The following SLC25A6 variants were observed in gnomAD, a reference collection of about 807,000 sequenced individuals.
SLC25A6 encodes the protein ADP/ATP translocase 3.
SLC25A6 carries 9 observed loss-of-function variants against 25.7 expected under a neutral mutation model. The ratio of observed to expected loss-of-function variants is 0.35; its 90% CI spans 0.21 to 0.61. The LOEUF (loss-of-function observed/expected upper bound fraction) is 0.61, where lower values mean the gene tolerates loss of function less well. Among genes scored for constraint, SLC25A6 ranks in the 20% least tolerant of loss-of-function variants. The pLI is 0.76. For synonymous variants in SLC25A6, 223 were observed against 197.0 expected, an observed-to-expected ratio of 1.13 and a Z score of -1.11; for missense variants, 404 against 440.5, an observed-to-expected ratio of 0.92 and a Z score of 0.74.
chrX:1,389,010 G>A (rs1253474177), intron 2 of SLC25A6, among the ~76,000 whole-genome samples: 1 of 151,152 alleles, frequency 6.6e-6, no homozygotes, highest in African/African-American at 2.4e-5. Flanking sequence ...ATAGCAGCCT[G>A]AAATGGATTA....
intron 2 of SLC25A6, among the ~76,000 whole-genome samples, chrX:1,387,716 C>T (rs1445215633): frequency 6.6e-6 from 1 of 152,178 alleles, no homozygotes; most frequent in Non-Finnish European, 1.5e-5. Flanking sequence ...GAAGGGTCAC[C>T]GTTACTATGG....
chrX:1,389,028 C>T (rs1239448141), intron 2 of SLC25A6, among the ~76,000 whole-genome samples: 5 of 144,672 alleles, frequency 3.5e-5, no homozygotes, highest in South Asian at 2.2e-4. Context: ...TTAAGACATC[C>T]CATAAGAAGA....
intron 1 of SLC25A6, chrX:1,390,220 C>T (rs1224127888): frequency 1.2e-5 from 2 of 172,308 alleles, no homozygotes; most frequent in Non-Finnish European, 2.5e-5. Flanking sequence ...GCTACGATGA[C>T]CAAGCTGCTC....
chrX:1,386,698 G>GC lies in SLC25A6; in HGVS notation c.800dup (p.Lys268GlnfsTer83), dbSNP rs1286342483. On this transcript the variant is annotated frameshift_variant, in exon 4 of 4. Transcript: ENST00000381401. LOFTEE classifies it high-confidence loss of function. ...ACCACGCACCCTTGAAGAAGGCCTT[G>GC]CCCCCCTCATCTCTGAAGATCTTCC... The GC allele has an allele frequency of 6.2e-7, 1 of 1,612,688 alleles. No homozygotes were observed. Among genetic ancestry groups the GC allele is most frequent in the South Asian group, 1.1e-5 (1 of 90,920 alleles).
rs758192027 is a variant in SLC25A6, at chrX:1,387,387, C to T, written c.631G>A (p.Val211Met). ...GTCTGCGCGATCATCCAGCTCACCA[C>T]GATGTGCGTGTTCTTGGGGTCGGGG... ...MLPDPKNTHI[V>M]VSWMIAQTVT... is the part of the protein sequence containing the mutation. Residue 211 changes from valine (V) to methionine (M), a missense_variant, in exon 3 of 4, where the codon GTG (valine) becomes ATG (methionine). Transcript: ENST00000381401. 9.9e-6 allele frequency: 16 copies of T among 1,613,116 alleles called. No individual in the cohort carries two copies. The East Asian group carries it at 1.6e-4, about 16-fold the overall frequency.
intron 2 of SLC25A6, among the ~76,000 whole-genome samples, chrX:1,388,073 T>C (rs1410049741): frequency 6.7e-6 from 1 of 148,452 alleles, no homozygotes; most frequent in Non-Finnish European, 1.5e-5. Context: ...GTCTATAGTA[T>C]TGTTTTAGGA....
At chrX:1,390,145 G>T in intron 1 of SLC25A6, 1 of 227,064 alleles carries the variant, frequency 4.4e-6, no homozygotes, top group Non-Finnish European at 8.7e-6. Flanking sequence ...CGAGTACCCG[G>T]GTCTACAGAT....
rs1176098505 is a variant in SLC25A6 at position 1,387,158 on chromosome X, A to G, written c.739+121T>C. 532 of 1,260,370 alleles carry G rather than the reference A, an allele frequency of 4.2e-4. 2 individuals carry two copies. The highest frequency in any genetic ancestry group is 5.0e-4 in the Non-Finnish European group (452 of 902,436). The allele number at this position is 1,260,370 out of a possible 1,614,324, so 78.1% of individuals were successfully genotyped here. ...ACACAGCCAGGTTACTTTCGGACAC[A>G]CTTGCTTGTCTCACACGCCCTGGAA... is the stretch of plus-strand genomic sequence containing the variant. On this transcript the variant is annotated intron_variant, in intron 3 of 3. Transcript: ENST00000381401.
In SLC25A6 at chrX:1,387,521, G is replaced by C. The variant is rs17848749; in HGVS notation, c.599-102C>G. 2.6e-4 allele frequency: 397 copies of C among 1,505,444 alleles called. 2 individuals carry two copies. In the East Asian group the frequency reaches 7.6e-3, roughly 29 times the overall value. 93.3% of individuals were successfully genotyped at this position (1,505,444 alleles called of 1,614,324 possible). On this transcript the variant is annotated intron_variant, in intron 2 of 3. Coordinates refer to ENST00000381401, the MANE Select transcript of SLC25A6 (RefSeq NM_001636.4). ...TCACGGCCCCCTGAGGTGGTGCCGA[G>C]CTCTTCCGAGACCACCAGTGCCCCC...
intron 2 of SLC25A6, among the ~76,000 whole-genome samples, chrX:1,388,889 C>A (rs1360076857): frequency 4.0e-5 from 6 of 151,374 alleles, no homozygotes; most frequent in Admixed American, 4.0e-4. Context: ...AGGAGAGAGG[C>A]CGCAGGAGGA....
rs768991250 is a variant in SLC25A6, at chrX:1,387,045, G to A, written c.739+234C>T. Among the ~76,000 whole-genome samples, 14 of 152,270 alleles carry A rather than the reference G, an allele frequency of 9.2e-5. No individual in the cohort carries two copies. The South Asian group carries it at 2.9e-3, about 32-fold the overall frequency. ...GATCGAGGGTGTGGGTGCAACCAGA[G>A]GTTCTAGGAGGCGGGGATTTAGAAA... On this transcript the variant is annotated intron_variant, in intron 3 of 3. Transcript: ENST00000381401.
At chrX:1,387,025 A>AG (rs1411801579) in intron 3 of SLC25A6, among the ~76,000 whole-genome samples, 1 of 152,052 alleles carries the variant, frequency 6.6e-6, no homozygotes, top group Non-Finnish European at 1.5e-5. Flanking sequence ...GGCAGGATCG[A>AG]GGGTGTGGGT....
At chrX:1,387,025 AG>A (rs1411801579) in intron 3 of SLC25A6, among the ~76,000 whole-genome samples, 3 of 152,170 alleles carry the variant, frequency 2.0e-5, no homozygotes, top group Admixed American at 6.5e-5. Context: ...GGCAGGATCG[AG>A]GGTGTGGGTG....
intron 1 of SLC25A6, among the ~76,000 whole-genome samples, chrX:1,391,420 GA>G (rs2089408911): frequency 6.6e-6 from 1 of 151,652 alleles, no homozygotes; most frequent in African/African-American, 2.4e-5. Flanking sequence ...AATGAGCTAA[GA>G]AGGGGGTAAG....
chrX:1,387,226 A>G, intron 3 of SLC25A6, 53 bp downstream of exon 3: 1 of 1,599,678 alleles, frequency 6.3e-7, no homozygotes, highest in Non-Finnish European at 8.5e-7. Context: ...GGCCTAGGGC[A>G]AGGAGCTTGG....
At chrX:1,391,499 T>A (rs1435515360) in intron 1 of SLC25A6, among the ~76,000 whole-genome samples, 1 of 152,138 alleles carries the variant, frequency 6.6e-6, no homozygotes, top group Non-Finnish European at 1.5e-5. Flanking sequence ...CTATTGGCCT[T>A]AGAATTACCC....
rs2089326195 is a variant in SLC25A6 at position 1,386,535 on chromosome X, T to C, written c.*67A>G. 2 of 1,426,756 alleles carry C rather than the reference T, an allele frequency of 1.4e-6. No individual in the cohort carries two copies. 88.4% of individuals were successfully genotyped at this position (1,426,756 alleles called of 1,614,324 possible). A position where few individuals can be genotyped will look rare whatever the true frequency, so the allele number is the denominator to read the frequency against. ...TCTCGAAGGTTGATGGTCCGCACGG[T>C]TGAGGATTCTACGTGGTTCTCTTGG... On this transcript the variant is annotated 3_prime_UTR_variant, in exon 4 of 4. Transcript: ENST00000381401.
In SLC25A6 at chrX:1,386,481, A is replaced by C. The variant is rs2089325520; in HGVS notation, c.*121T>G. 12 of 1,279,492 alleles carry C rather than the reference A, an allele frequency of 9.4e-6. No individual in the cohort carries two copies. The highest frequency in any genetic ancestry group is 1.5e-5 in the African/African-American group (1 of 64,744). 79.3% of individuals were successfully genotyped at this position (1,279,492 alleles called of 1,614,324 possible). A position where few individuals can be genotyped will look rare whatever the true frequency, so the allele number is the denominator to read the frequency against. ...CCTTCCCCGGCCATCTACAGGCAGG[A>C]TGCGGCTGGGAAAAAGACAACTGGA... On this transcript the variant is annotated 3_prime_UTR_variant, in exon 4 of 4. Coordinates refer to ENST00000381401, the MANE Select transcript of SLC25A6 (RefSeq NM_001636.4).
intron 1 of SLC25A6, among the ~76,000 whole-genome samples, chrX:1,390,902 AAG>A (rs2089397678): frequency 6.6e-6 from 1 of 150,522 alleles, no homozygotes. Flanking sequence ...GGGCCTCTCA[AAG>A]TGCGGGGACA....
Sources: allele counts gnomAD v4.1 joint callset (sites outside exome capture counted in the v4.1 genomes callset), GRCh38; gene constraint gnomAD v4.1.1; transcripts MANE v1.5; gene names NCBI Gene and HGNC (gene_info 2026-07-23, HGNC 2026-07-21).